Variants in TRPM3 observed in about 807,000 individuals in gnomAD.
TRPM3 encodes the protein long transient receptor potential channel 3.
In TRPM3, 77 loss-of-function variants were observed where a neutral mutation model predicts 181.2. The ratio of observed to expected loss-of-function variants is 0.42; its 90% CI spans 0.35 to 0.51. The LOEUF (loss-of-function observed/expected upper bound fraction) is 0.51, where lower values mean the gene tolerates loss of function less well. Among genes scored for constraint, TRPM3 ranks in the 20% least tolerant of loss-of-function variants. The probability of loss-of-function intolerance (pLI) is 0.01; values close to 1 mark genes in which losing one functional copy is unlikely to be tolerated. For missense variants in TRPM3, 1,759 were observed against 2,196.7 expected (o/e 0.80, Z 3.98); for synonymous variants, 745 against 796.4 (o/e 0.94, Z 1.09).
intron 1 of TRPM3, among the ~76,000 whole-genome samples, chr9:71,118,563 C>T (rs991273047): frequency 2.0e-5 from 3 of 152,210 alleles, no homozygotes; most frequent in African/African-American, 7.2e-5. Flanking sequence ...GAAATGGTGA[C>T]TGATCAGAGT....
At chr9:70,981,724 A>G (rs1202250048) in intron 1 of TRPM3, among the ~76,000 whole-genome samples, 1 of 152,194 alleles carries the variant, frequency 6.6e-6, no homozygotes, top group African/African-American at 2.4e-5. Flanking sequence ...TAAGTACTCA[A>G]TTAATGCTAA....
chr9:71,149,952 T>C (rs1015684399), intron 1 of TRPM3, among the ~76,000 whole-genome samples: 2 of 152,096 alleles, frequency 1.3e-5, no homozygotes, highest in Admixed American at 1.3e-4. Context: ...TCAGCCTGGG[T>C]AACAGAGTAA....
chr9:71,006,210 G>A (rs2097671833), intron 1 of TRPM3, among the ~76,000 whole-genome samples: 1 of 152,102 alleles, frequency 6.6e-6, no homozygotes, highest in African/African-American at 2.4e-5. Context: ...TAAGTAGCAT[G>A]AGATCAAAAA....
chr9:71,201,406 T>C (rs1453795175), intron 1 of TRPM3, among the ~76,000 whole-genome samples: 2 of 152,208 alleles, frequency 1.3e-5, no homozygotes, highest in Non-Finnish European at 2.9e-5. Flanking sequence ...ATTTCCTGAA[T>C]CTGAATGTTG....
At chr9:71,115,668 G>A (rs935479759) in intron 1 of TRPM3, among the ~76,000 whole-genome samples, 2 of 152,110 alleles carry the variant, frequency 1.3e-5, no homozygotes, top group South Asian at 2.1e-4. Context: ...TGCCAGGGAC[G>A]TTACTGTGCC....
At chr9:70,977,848 T>C (rs2097322116) in intron 1 of TRPM3, among the ~76,000 whole-genome samples, 1 of 152,210 alleles carries the variant, frequency 6.6e-6, no homozygotes, top group Non-Finnish European at 1.5e-5. Context: ...GGCACAAAGC[T>C]TCCATGCACT....
chr9:71,367,579 G>A (rs2092376171), intron 1 of TRPM3, among the ~76,000 whole-genome samples: 1 of 152,162 alleles, frequency 6.6e-6, no homozygotes, highest in Non-Finnish European at 1.5e-5. Flanking sequence ...CTGTGGTTAT[G>A]ATTTCACCAT....
Position 71,395,983 on chromosome 9 carries a change from A to G in TRPM3, c.183+50670T>C, listed in dbSNP as rs572768956. Among the ~76,000 whole-genome samples the G allele has an allele frequency of 9.2e-5, 14 of 152,360 alleles. No homozygotes were observed. The South Asian group carries it at 2.9e-3, about 32-fold the overall frequency. On this transcript the variant is annotated intron_variant, in intron 1 of 24. Transcript: ENST00000357533. ...GGAAATGTTCAGGAAAACCATTTAG[A>G]AAAGCTAAAAAAGCAAAAATGAGAA...
chr9:71,142,713 T>C (rs576662967), intron 1 of TRPM3, among the ~76,000 whole-genome samples: 1 of 144,540 alleles, frequency 6.9e-6, no homozygotes, highest in South Asian at 2.2e-4. Context: ...AAAATTTGCA[T>C]GACAAATTAT....
At chr9:71,360,200 G>A (rs1325766562) in intron 1 of TRPM3, among the ~76,000 whole-genome samples, 3 of 152,092 alleles carry the variant, frequency 2.0e-5, no homozygotes, top group Admixed American at 6.6e-5. Flanking sequence ...ATTACAGAAG[G>A]CACTAAGAGA....
chr9:71,317,849 C>G (rs2088793375), intron 1 of TRPM3, among the ~76,000 whole-genome samples: 1 of 152,064 alleles, frequency 6.6e-6, no homozygotes, highest in South Asian at 2.1e-4. Flanking sequence ...CATTAATCAT[C>G]TTTATCAAAT....
chr9:70,590,338 A>T (rs1452004929), intron 22 of TRPM3, among the ~76,000 whole-genome samples: 4 of 152,202 alleles, frequency 2.6e-5, no homozygotes. Flanking sequence ...CTATTAGGGC[A>T]TGAAACCTTG....
At chr9:70,967,674 C>A (rs2097199582) in intron 1 of TRPM3, among the ~76,000 whole-genome samples, 1 of 152,070 alleles carries the variant, frequency 6.6e-6, no homozygotes, top group Admixed American at 6.6e-5. Context: ...TTATTTGGGA[C>A]CCCTCTCCTC....
chr9:71,295,065 G>C (rs1472442680), intron 1 of TRPM3, among the ~76,000 whole-genome samples: 1 of 152,130 alleles, frequency 6.6e-6, no homozygotes, highest in African/African-American at 2.4e-5. Flanking sequence ...ATTAAAAATA[G>C]AGGTGTTTAT....
At chr9:70,953,770 C>T (rs2097031828) in intron 1 of TRPM3, among the ~76,000 whole-genome samples, 1 of 152,064 alleles carries the variant, frequency 6.6e-6, no homozygotes, top group African/African-American at 2.4e-5. Context: ...ACTCATGTTA[C>T]CTAAACAAGG....
At chr9:70,836,850 A>G (rs761048470) in intron 5 of TRPM3, among the ~76,000 whole-genome samples, 17 of 152,154 alleles carry the variant, frequency 1.1e-4, no homozygotes, top group Admixed American at 2.0e-4. Context: ...CTGAACTTCT[A>G]TCTCACATAC....
rs574497442 is a variant in TRPM3 at position 70,600,519 on chromosome 9, G to T, written c.2797-1849C>A. On this transcript the variant is annotated intron_variant, in intron 20 of 25. Transcript: ENST00000677713. ...GTCCTGCCCTAAGCCCTAGCCCAGG[G>T]TTTCTAAACTTCAGTGCACATCAGA... is the stretch of plus-strand genomic sequence containing the variant. 9.8e-4 allele frequency among the ~76,000 whole-genome samples: 149 copies of T among 152,024 alleles called. 1 individual carries two copies. The highest frequency in any genetic ancestry group is 3.3e-3 in the Admixed American group (51 of 15,276).
intron 1 of TRPM3, among the ~76,000 whole-genome samples, chr9:70,962,572 T>C (rs1052677728): frequency 6.6e-6 from 1 of 152,172 alleles, no homozygotes; most frequent in African/African-American, 2.4e-5. Context: ...ATGAAAGATA[T>C]GTTCCAAGAC....
At chr9:70,809,841 T>C in intron 6 of TRPM3, 1 of 440,986 alleles carries the variant, frequency 2.3e-6, no homozygotes, top group Non-Finnish European at 4.7e-6. Context: ...GCTGCTTGGA[T>C]GAAGTTCTAC....
Sources: allele counts gnomAD v4.1 joint callset (sites outside exome capture counted in the v4.1 genomes callset), GRCh38; gene constraint gnomAD v4.1.1; transcripts MANE v1.5; gene names NCBI Gene and HGNC (gene_info 2026-07-23, HGNC 2026-07-21).